POF1B: variants seen among roughly 807,000 people sequenced by gnomAD.
POF1B encodes protein POF1B.
POF1B carries 53 observed loss-of-function variants against 55.3 expected under a neutral mutation model. The observed-to-expected ratio is 0.96, with a 90% CI of 0.77 to 1.20. POF1B has a LOEUF of 1.20. Among genes scored for constraint, POF1B ranks in the 50% most tolerant of loss-of-function variants. The pLI is 0.00. For missense variants in POF1B, 478 were observed against 420.5 expected (o/e 1.14, Z -1.20); for synonymous variants, 188 against 148.3 (o/e 1.27, Z -1.95).
At position 85,341,405 on chromosome X, in the gene POF1B, T is replaced by C. The variant is rs758206790; in HGVS notation, c.723+4455A>G. ...AACTATATACATATATTACTTTAAC[T>C]AAAAAAACTAATTTATAAAAAAGCA... On this transcript the variant is annotated intron_variant, in intron 6 of 16. Coordinates refer to ENST00000262753, the MANE Select transcript of POF1B (RefSeq NM_024921.4). Among the ~76,000 whole-genome samples the C allele has an allele frequency of 3.3e-4, 37 of 110,973 alleles. No individual in the cohort carries two copies. The East Asian group carries it at 0.01, about 31-fold the overall frequency.
chrX:85,285,236 A>G (rs1932021249), intron 15 of POF1B, among the ~76,000 whole-genome samples: 1 of 111,651 alleles, frequency 9.0e-6, no homozygotes, highest in Admixed American at 9.5e-5. Flanking sequence ...TGTGGAAGAC[A>G]GTGTGGCGAT....
At chrX:85,306,357 A>C in intron 11 of POF1B, 24 bp from the exon 12 acceptor site, 1 of 1,188,368 alleles carries the variant, frequency 8.4e-7, no homozygotes, top group Non-Finnish European at 1.1e-6. Flanking sequence ...ACAAGTACAT[A>C]AGACAAATGC....
intron 3 of POF1B, among the ~76,000 whole-genome samples, chrX:85,363,381 T>C (rs764687217): frequency 0.014 from 1,543 of 111,404 alleles, 30 homozygotes; most frequent in African/African-American, 0.048. Flanking sequence ...TTGTGGGTGT[T>C]TAATGCTATA....
chrX:85,308,691 T>A (rs1427075342), intron 9 of POF1B, among the ~76,000 whole-genome samples: 1 of 111,444 alleles, frequency 9.0e-6, no homozygotes, highest in East Asian at 2.8e-4. Context: ...TTTGTTTTTG[T>A]TTTTTTACCA....
In POF1B at chrX:85,379,379, G is replaced by A. The variant is rs780628376; in HGVS notation, c.76C>T (p.Gln26Ter). The A allele has an allele frequency of 2.1e-5, 25 of 1,207,469 alleles. No homozygotes were observed. Among genetic ancestry groups the A allele is most frequent in the Non-Finnish European group, 2.8e-5 (25 of 894,509 alleles). Reference protein sequence around the residue: ...TQQLPEVLQCQPQHYHCYHQS... With the variant: ...TQQLPEVLQC The stretch of plus-strand genomic sequence containing the variant: ...TGGTAGCAGTGGTAATGCTGGGGCT[G>A]GCACTGCAGCACCTCTGGGAGCTGC... The change falls in exon 2 of 17, where the codon CAG (glutamine) becomes TAG (stop). Residue 26 changes from glutamine (Q) to a stop codon, truncating the protein, a stop_gained. Transcript: ENST00000262753. LOFTEE classifies it high-confidence loss of function.
chrX:85,364,285 T>C (rs1933677958), intron 3 of POF1B, among the ~76,000 whole-genome samples: 1 of 111,533 alleles, frequency 9.0e-6, no homozygotes, highest in Non-Finnish European at 1.9e-5. Flanking sequence ...TTTGATTCTG[T>C]TATTATTTTG....
At chrX:85,360,290 A>G (rs897838590) in intron 3 of POF1B, among the ~76,000 whole-genome samples, 102 of 106,312 alleles carry the variant, frequency 9.6e-4, no homozygotes, top group Non-Finnish European at 5.0e-4. Flanking sequence ...AGTTATTTTT[A>G]CTAATCCTCT....
chrX:85,369,175 C>A (rs1297712658), intron 2 of POF1B, among the ~76,000 whole-genome samples: 1 of 111,550 alleles, frequency 9.0e-6, no homozygotes, highest in East Asian at 2.8e-4. Context: ...TGCATATATT[C>A]TCAGATTTTC....
intron 7 of POF1B, among the ~76,000 whole-genome samples, chrX:85,318,225 A>T (rs770195917): frequency 1.2e-3 from 131 of 111,795 alleles, no homozygotes; most frequent in African/African-American, 4.0e-3. Context: ...ACTTTAAAAA[A>T]ATGTTTAAAT....
chrX:85,364,141 G>A (rs1232370185), intron 3 of POF1B, among the ~76,000 whole-genome samples: 8 of 110,923 alleles, frequency 7.2e-5, no homozygotes, highest in African/African-American at 2.6e-4. Flanking sequence ...GGGTGTCATT[G>A]TAAGTGAGAT....
chrX:85,330,952 C>T lies in POF1B; in HGVS notation c.851G>A (p.Gly284Glu). Residue 284 changes from glycine (G) to glutamate (E), a missense_variant, in exon 7 of 17, where the codon GGA becomes GAA. Physicochemically the swap from Gly to Glu is moderately conservative, Grantham distance 98 (BLOSUM62 -2). Transcript: ENST00000262753. ...CLLEHLQRIG[G>E]SKQDFESTDE... ...GCAAATAATATGTTTACAGTACCTT[C>T]CTCCAATTCTCTGCAAATGTTCTAA... The T allele has an allele frequency of 1.7e-6, 2 of 1,179,268 alleles. No homozygotes were observed. Among genetic ancestry groups the T allele is most frequent in the Non-Finnish European group, 2.3e-6 (2 of 880,060 alleles).
intron 15 of POF1B, among the ~76,000 whole-genome samples, chrX:85,300,964 G>A (rs897229647): frequency 8.9e-6 from 1 of 111,968 alleles, no homozygotes; most frequent in Non-Finnish European, 1.9e-5. Flanking sequence ...AAGAAGGTCC[G>A]TTGAGTTTAT....
At chrX:85,301,608 A>C (rs1473976619) in intron 15 of POF1B, among the ~76,000 whole-genome samples, 1 of 111,597 alleles carries the variant, frequency 9.0e-6, no homozygotes, top group African/African-American at 3.3e-5. Flanking sequence ...GTAACTATAC[A>C]GGTAAATATT....
chrX:85,355,554 A>C (rs1357409906), intron 4 of POF1B, among the ~76,000 whole-genome samples: 1 of 111,759 alleles, frequency 8.9e-6, no homozygotes, highest in Admixed American at 9.5e-5. Context: ...TTTGCAATCT[A>C]TTCATCTGAC....
intron 15 of POF1B, among the ~76,000 whole-genome samples, chrX:85,292,904 G>T (rs1235110510): frequency 8.1e-5 from 9 of 111,064 alleles, no homozygotes; most frequent in African/African-American, 3.0e-4. Flanking sequence ...AGACATATAT[G>T]TGGCCAATAA....
At chrX:85,343,493 A>G (rs1933215824) in intron 6 of POF1B, among the ~76,000 whole-genome samples, 1 of 110,982 alleles carries the variant, frequency 9.0e-6, no homozygotes, top group Non-Finnish European at 1.9e-5. Context: ...TACCATTTCT[A>G]TTGTCATTAT....
Position 85,345,749 on chromosome X carries a change from A to C in POF1B, c.723+111T>G, listed in dbSNP as rs764660947. ...CTGACAAGGCACAAATACCAGTGAT[A>C]TAACTTCTCAGTATTTTGATGAAAA... is the stretch of plus-strand genomic sequence containing the variant. On this transcript the variant is annotated intron_variant, in intron 6 of 16. Coordinates refer to ENST00000262753, the MANE Select transcript of POF1B (RefSeq NM_024921.4). The C allele has an allele frequency of 2.0e-5, 14 of 706,319 alleles. No individual in the cohort carries two copies. In the South Asian group the frequency reaches 6.1e-4, roughly 31 times the overall value. The allele number at this position is 706,319 out of a possible 1,213,427, so 58.2% of individuals were successfully genotyped here.
rs188629135 is a variant in POF1B, at chrX:85,327,074, C to A, written c.854+3875G>T. 4.5e-5 allele frequency among the ~76,000 whole-genome samples: 5 copies of A among 110,826 alleles called. No individual in the cohort carries two copies. In the Admixed American group the frequency reaches 4.8e-4, roughly 11 times the overall value. On this transcript the variant is annotated intron_variant, in intron 7 of 16. Coordinates refer to ENST00000262753, the MANE Select transcript of POF1B (RefSeq NM_024921.4). ...CCACCACAGAGGCTCCCACACCAAC[C>A]CTCTGGGCTCCGCACTGACTGGAGT...
At chrX:85,302,843 C>T (rs1932489210) in intron 15 of POF1B, among the ~76,000 whole-genome samples, 2 of 111,719 alleles carry the variant, frequency 1.8e-5, no homozygotes, top group South Asian at 7.3e-4. Flanking sequence ...TGTATTATTT[C>T]ATTTATATGA....
Sources: allele counts gnomAD v4.1 joint callset (sites outside exome capture counted in the v4.1 genomes callset), GRCh38; gene constraint gnomAD v4.1.1; transcripts MANE v1.5; gene names NCBI Gene and HGNC (gene_info 2026-07-23, HGNC 2026-07-21).